The following ANKS1A variants were observed in gnomAD, a reference collection of about 807,000 sequenced individuals.
The protein encoded by ANKS1A is ankyrin repeat and sterile alpha motif domain containing 1A.
In ANKS1A, 55 loss-of-function variants were observed where a neutral mutation model predicts 120.3. The ratio of observed to expected loss-of-function variants is 0.46; its 90% confidence interval spans 0.37 to 0.57. The LOEUF (loss-of-function observed/expected upper bound fraction) is 0.57, where lower values mean the gene tolerates loss of function less well. Ranked by LOEUF, ANKS1A falls within the 20% of genes least tolerant of loss-of-function variation. The pLI, the probability that ANKS1A is intolerant of heterozygous loss-of-function variation, is 0.00. For synonymous variants in ANKS1A, 590 were observed against 604.7 expected, an observed-to-expected ratio of 0.98 and a Z score of 0.36; for missense variants, 1,123 against 1,480.3, an observed-to-expected ratio of 0.76 and a Z score of 3.96.
rs1778243434 is a variant in ANKS1A, at chr6:35,090,496, T to C, written c.*1887T>C. On this transcript the variant is annotated 3_prime_UTR_variant, in exon 24 of 24. Transcript: ENST00000360359. ...GATCATCCATAGGTGTTTCTTCTGCTTGAAGCTGCTATATCATCTTTATTT... is the reference window on the plus strand; with the variant it reads ...GATCATCCATAGGTGTTTCTTCTGCCTGAAGCTGCTATATCATCTTTATTT... The C allele has an allele frequency of 6.4e-6, 7 of 1,089,798 alleles. No individual in the cohort carries two copies. In the South Asian group the frequency reaches 1.5e-4, roughly 24 times the overall value. 67.5% of individuals were successfully genotyped at this position (1,089,798 alleles called of 1,614,324 possible).
intron 1 of ANKS1A, among the ~76,000 whole-genome samples, chr6:34,894,975 GC>G (rs1020428236): frequency 2.0e-5 from 3 of 152,204 alleles, no homozygotes; most frequent in African/African-American, 7.2e-5. Flanking sequence ...TTTTTATGCT[GC>G]CATTTCATTG....
At chr6:34,903,187 C>T (rs181593313) in intron 1 of ANKS1A, among the ~76,000 whole-genome samples, 1 of 152,258 alleles carries the variant, frequency 6.6e-6, no homozygotes, top group Non-Finnish European at 1.5e-5. Flanking sequence ...CCACTGTAAT[C>T]CATAAAACCC....
chr6:35,062,655 G>A (rs1465635208), intron 13 of ANKS1A, among the ~76,000 whole-genome samples: 1 of 152,164 alleles, frequency 6.6e-6, no homozygotes, highest in East Asian at 1.9e-4. Context: ...AGGGCCCTGC[G>A]AGTTGTCATA....
chr6:35,000,917 A>G (rs896237333), intron 10 of ANKS1A, among the ~76,000 whole-genome samples: 3 of 152,184 alleles, frequency 2.0e-5, no homozygotes, highest in African/African-American at 7.2e-5. Flanking sequence ...ATGTTAGCTA[A>G]AGTTAAAAAG....
chr6:34,924,089 T>TTG (rs745522816), intron 1 of ANKS1A, among the ~76,000 whole-genome samples: 4 of 99,958 alleles, frequency 4.0e-5, no homozygotes, highest in Non-Finnish European at 2.0e-5. Flanking sequence ...GGGGGCTTTT[T>TTG]CGTGTGTGTG....
intron 3 of ANKS1A, among the ~76,000 whole-genome samples, chr6:34,978,651 C>T (rs1331864437): frequency 6.6e-6 from 1 of 151,758 alleles, no homozygotes; most frequent in Admixed American, 6.6e-5. Flanking sequence ...ACTAAAAATA[C>T]AAAATTAGCT....
intron 1 of ANKS1A, among the ~76,000 whole-genome samples, chr6:34,962,896 C>G (rs1770714964): frequency 6.7e-6 from 1 of 150,250 alleles, no homozygotes; most frequent in Non-Finnish European, 1.5e-5. Context: ...GGATCTTGCT[C>G]TGTCGCCCAG....
chr6:35,083,114 A>G, intron 18 of ANKS1A, 41 bp from the exon 19 acceptor site: 1 of 1,610,048 alleles, frequency 6.2e-7, no homozygotes, highest in South Asian at 1.1e-5. Context: ...CTGCATGGAA[A>G]CGCAGGATTT....
rs753204892 is a variant in ANKS1A, at chr6:35,086,287, T to C, written c.3303+351T>C. The C allele has an allele frequency of 2.7e-5, 36 of 1,318,774 alleles. No homozygotes were observed. Among genetic ancestry groups the C allele is most frequent in the Non-Finnish European group, 2.8e-5 (28 of 1,008,556 alleles). The allele number at this position is 1,318,774 out of a possible 1,614,324, so 81.7% of individuals were successfully genotyped here. Reference sequence around the variant, plus strand: ...CACCCCAGGTGCCGCTGCCCCCCGATAGTCGCTGTTGTTACTGTCACACCT... The same window carrying C: ...CACCCCAGGTGCCGCTGCCCCCCGACAGTCGCTGTTGTTACTGTCACACCT... On this transcript the variant is annotated intron_variant, in intron 22 of 23. Coordinates refer to ENST00000360359, the MANE Select transcript of ANKS1A (RefSeq NM_015245.3). This position sits in a 1 kb window ranked among gnomAD's most constrained non-coding sequence, Gnocchi z 5.1.
At position 35,050,088 on chromosome 6, in the gene ANKS1A, C is replaced by T. The variant is rs184214796; in HGVS notation, c.2011-4011C>T. ...CACCCCGTGGGCAGCCAGAATCCTGCGGTCTAAACAAGCAGATGTCAGATG... is the reference window on the plus strand; with the variant it reads ...CACCCCGTGGGCAGCCAGAATCCTGTGGTCTAAACAAGCAGATGTCAGATG... On this transcript the variant is annotated intron_variant, in intron 11 of 23. Transcript: ENST00000360359. The surrounding 1 kb of genome is among the most constrained non-coding windows in gnomAD (Gnocchi z 4.3). 1.7e-4 allele frequency among the ~76,000 whole-genome samples: 26 copies of T among 152,304 alleles called. 1 individual carries two copies. The highest frequency in any genetic ancestry group is 5.3e-4 in the African/African-American group (22 of 41,554).
chr6:35,086,884 AG>A lies in ANKS1A; in HGVS notation c.3304-64del. On this transcript the variant is annotated intron_variant, in intron 22 of 23. Transcript: ENST00000360359. This position sits in a 1 kb window ranked among gnomAD's most constrained non-coding sequence, Gnocchi z 5.1. ...GGCCACAGCCTGGCCTGGGGGTGGG[AG>A]GGGCCTGCTGCCTCCAGCCCTGGCA... 6.8e-7 allele frequency: 1 copy of A among 1,472,394 alleles called. No homozygotes were observed. Among genetic ancestry groups the A allele is most frequent in the Non-Finnish European group, 9.5e-7 (1 of 1,052,282 alleles). 91.2% of individuals were successfully genotyped at this position (1,472,394 alleles called of 1,614,324 possible).
At chr6:35,054,010 G>C (rs1776086724) in intron 11 of ANKS1A, 89 bp from the exon 12 acceptor site, 1 of 1,035,002 alleles carries the variant, frequency 9.7e-7, no homozygotes. Flanking sequence ...AAGAGACCTG[G>C]AGGTCAGACC....
chr6:35,086,243 C>T lies in ANKS1A; in HGVS notation c.3303+307C>T. 7.3e-7 allele frequency: 1 copy of T among 1,364,112 alleles called. No individual in the cohort carries two copies. The highest frequency in any genetic ancestry group is 1.2e-5 in the South Asian group (1 of 81,594). The allele number at this position is 1,364,112 out of a possible 1,614,324, so 84.5% of individuals were successfully genotyped here. A position where few individuals can be genotyped will look rare whatever the true frequency, so the allele number is the denominator to read the frequency against. ...CCCAGTAACTGCGCCATCCCTGTGT[C>T]TGTGTCTGCTTTGCTCTGCACCCCA... On this transcript the variant is annotated intron_variant, in intron 22 of 23. Transcript: ENST00000360359. This position sits in a 1 kb window ranked among gnomAD's most constrained non-coding sequence, Gnocchi z 5.1.
intron 13 of ANKS1A, among the ~76,000 whole-genome samples, chr6:35,072,140 G>C (rs1188853787): frequency 6.6e-6 from 1 of 152,244 alleles, no homozygotes; most frequent in Non-Finnish European, 1.5e-5. Context: ...AAAATCACAT[G>C]GGCAGGAAGG....
intron 11 of ANKS1A, among the ~76,000 whole-genome samples, chr6:35,024,008 C>T (rs1774484545): frequency 6.6e-6 from 1 of 152,000 alleles, no homozygotes; most frequent in African/African-American, 2.4e-5. Context: ...GTCTCTAAAA[C>T]TTTGTTTTTC....
chr6:34,899,931 T>A (rs984701286), intron 1 of ANKS1A, among the ~76,000 whole-genome samples: 1 of 152,254 alleles, frequency 6.6e-6, no homozygotes, highest in South Asian at 2.1e-4. Flanking sequence ...ACTGTAGTAT[T>A]TGAAGTCAGT....
intron 9 of ANKS1A, among the ~76,000 whole-genome samples, chr6:34,993,541 T>C (rs1011817053): frequency 6.6e-5 from 10 of 152,186 alleles, no homozygotes; most frequent in Non-Finnish European, 1.3e-4. Context: ...AGAGCAGAGA[T>C]TGGTGGAAGT....
At chr6:34,935,705 C>T (rs1769212461) in intron 1 of ANKS1A, among the ~76,000 whole-genome samples, 1 of 152,200 alleles carries the variant, frequency 6.6e-6, no homozygotes, top group African/African-American at 2.4e-5. Flanking sequence ...TTAACGTGTT[C>T]AGCTGCCAGC....
rs1049557665 is a variant in ANKS1A, at chr6:35,090,934, G to A, written c.*2325G>A. The A allele has an allele frequency of 1.1e-5, 11 of 985,530 alleles. No homozygotes were observed. Among genetic ancestry groups the A allele is most frequent in the Admixed American group, 1.2e-4 (2 of 16,270 alleles). The allele number at this position is 985,530 out of a possible 1,614,324, so 61.0% of individuals were successfully genotyped here. ...AGGCTCTGCGTGTGCAGCTCTCTGC[G>A]TCCCTCCTGGGCCCTCCAGCGTCAG... On this transcript the variant is annotated 3_prime_UTR_variant, in exon 24 of 24. Coordinates refer to ENST00000360359, the MANE Select transcript of ANKS1A (RefSeq NM_015245.3).
Sources: gnomAD v4.1 joint callset for allele counts (sites outside exome capture counted in the v4.1 genomes callset) on GRCh38, gnomAD v4.1.1 for gene constraint, Gnocchi (gnomAD v3.1) non-coding constraint, MANE v1.5 for transcripts, NCBI Gene and HGNC (gene_info 2026-07-23, HGNC 2026-07-21) for gene names.